Variants in KCNN2 observed in about 807,000 individuals in gnomAD.
The protein encoded by KCNN2 is small conductance calcium-activated potassium channel protein 2.
KCNN2 carries 24 observed loss-of-function variants against 55.5 expected under a neutral mutation model. That is an observed-to-expected ratio of 0.43 (90% CI 0.31 to 0.61). The LOEUF (loss-of-function observed/expected upper bound fraction) is 0.61. Ranked by LOEUF, KCNN2 falls within the 20% of genes least tolerant of loss-of-function variation. KCNN2 has a pLI of 0.08. For synonymous variants in KCNN2, 431 were observed against 336.1 expected, an observed-to-expected ratio of 1.28 and a Z score of -3.09; for missense variants, 754 against 853.6, an observed-to-expected ratio of 0.88 and a Z score of 1.45.
chr5:114,289,439 A>G (rs1755837590), intron 2 of KCNN2, among the ~76,000 whole-genome samples: 1 of 150,876 alleles, frequency 6.6e-6, no homozygotes, highest in African/African-American at 2.4e-5. Flanking sequence ...CAGTGGGGCA[A>G]TCTCTCTGCT....
intron 1 of KCNN2, among the ~76,000 whole-genome samples, chr5:114,160,346 T>A (rs1272681081): frequency 2.0e-5 from 3 of 152,238 alleles, no homozygotes; most frequent in African/African-American, 7.2e-5. Context: ...AGTTCTAGTT[T>A]GATTGCACTG....
chr5:114,346,064 G>A (rs535426653), intron 2 of KCNN2, among the ~76,000 whole-genome samples: 38 of 152,288 alleles, frequency 2.5e-4, no homozygotes, highest in Admixed American at 1.2e-3. Flanking sequence ...TTACAGGCAT[G>A]AGCCACAGTG....
Position 114,363,015 on chromosome 5 carries a change from G to C in KCNN2, c.876G>C (p.Ala292=). The C allele has an allele frequency of 6.2e-7, 1 of 1,600,116 alleles. No homozygotes were observed. Among genetic ancestry groups the C allele is most frequent in the Non-Finnish European group, 8.5e-7 (1 of 1,176,256 alleles). ...AGCACAACAACTCCAACAACCTGGC[G>C]CTCTATGGAACCGGCGGCGGAGGCA... The part of the protein sequence containing the change: ...KPEHNNSNNL[A]LYGTGGGGST... The change falls in exon 1 of 8, where the codon GCG becomes GCC. Residue 292 remains alanine (A), a synonymous_variant. Coordinates refer to ENST00000673685, the MANE Select transcript of KCNN2 (RefSeq NM_021614.4).
At position 114,487,304 on chromosome 5, in the gene KCNN2, A is replaced by T. The variant is rs150859013; in HGVS notation, c.2018+127A>T. 2.7e-4 allele frequency: 211 copies of T among 785,876 alleles called. 2 individuals are homozygous for T. The African/African-American group carries it at 3.1e-3, about 11-fold the overall frequency. 48.7% of individuals were successfully genotyped at this position (785,876 alleles called of 1,614,324 possible). On this transcript the variant is annotated intron_variant, in intron 6 of 7. Transcript: ENST00000673685. ...GTCATGTTTATTCCCAGAAGATGTT[A>T]TCTGGCAATCTAATCATTCCACAAT... is the stretch of plus-strand genomic sequence containing the variant.
Position 114,363,004 on chromosome 5 carries a change from A to C in KCNN2, c.865A>C (p.Asn289His). The change falls in exon 1 of 8, where the codon AAC (asparagine) becomes CAC (histidine). Residue 289 changes from asparagine (N) to histidine (H), a missense_variant. By Grantham distance (68) the Asn-to-His change is moderately conservative. This residue lies in a region of KCNN2 where 381 missense variants were observed against 259.1 expected (regional missense o/e 1.47). Coordinates refer to ENST00000673685, the MANE Select transcript of KCNN2 (RefSeq NM_021614.4). ...VVSKPEHNNS[N>H]NLALYGTGGG... ...GTCTAAGCCCGAGCACAACAACTCCAACAACCTGGCGCTCTATGGAACCGG... is the reference window on the plus strand; with the variant it reads ...GTCTAAGCCCGAGCACAACAACTCCCACAACCTGGCGCTCTATGGAACCGG... 1 of 1,597,154 alleles carries C rather than the reference A, an allele frequency of 6.3e-7. No homozygotes were observed. Among genetic ancestry groups the C allele is most frequent in the Non-Finnish European group, 8.5e-7 (1 of 1,175,658 alleles).
intron 1 of KCNN2, among the ~76,000 whole-genome samples, chr5:114,105,381 C>CA (rs11423860): frequency 0.21 from 32,428 of 151,850 alleles, 3,952 homozygotes; most frequent in African/African-American, 0.34. Context: ...AGAGCAAAAG[C>CA]TACAGCTTCT....
At chr5:114,226,224 C>A (rs1580637229) in intron 2 of KCNN2, among the ~76,000 whole-genome samples, 1 of 151,948 alleles carries the variant, frequency 6.6e-6, no homozygotes, top group African/African-American at 2.4e-5. Context: ...ACATATACTC[C>A]TTTAGAGTGT....
intron 2 of KCNN2, among the ~76,000 whole-genome samples, chr5:114,352,841 G>A (rs991217455): frequency 2.6e-5 from 4 of 151,838 alleles, no homozygotes; most frequent in Non-Finnish European, 4.4e-5. Flanking sequence ...CCTTGTGCAC[G>A]TGAGAAAAAT....
At chr5:114,241,776 A>ATGTGTGTG in intron 2 of KCNN2, among the ~76,000 whole-genome samples, 1 of 11,130 alleles carries the variant, frequency 9.0e-5, no homozygotes, top group Non-Finnish European at 1.7e-4. Flanking sequence ...ATATATATAC[A>ATGTGTGTG]TATATACGTA....
intron 3 of KCNN2, among the ~76,000 whole-genome samples, chr5:114,427,778 C>CCA (rs1053549936): frequency 1.3e-5 from 2 of 152,062 alleles, no homozygotes; most frequent in Non-Finnish European, 2.9e-5. Context: ...ATTAAATGAC[C>CCA]CATAGACCTT....
chr5:114,230,299 A>G (rs1167889539), intron 2 of KCNN2, among the ~76,000 whole-genome samples: 1 of 117,950 alleles, frequency 8.5e-6, no homozygotes, highest in Non-Finnish European at 1.8e-5. Flanking sequence ...TTTTTTTATT[A>G]TACTTTAAGT....
intron 1 of KCNN2, among the ~76,000 whole-genome samples, chr5:114,163,024 G>C (rs1450172755): frequency 1.3e-5 from 2 of 152,094 alleles, no homozygotes. Context: ...CCCACTGTCT[G>C]GCAATCCCCA....
chr5:114,172,857 C>A (rs1415469260), intron 1 of KCNN2, among the ~76,000 whole-genome samples: 1 of 151,604 alleles, frequency 6.6e-6, no homozygotes, highest in South Asian at 2.1e-4. Context: ...GGGCAGTTTG[C>A]AAATATTTTA....
At chr5:114,475,742 G>C (rs1340220177) in intron 5 of KCNN2, among the ~76,000 whole-genome samples, 2 of 152,008 alleles carry the variant, frequency 1.3e-5, no homozygotes, top group Non-Finnish European at 2.9e-5. Context: ...CTAAAGTCCG[G>C]TCAGAGGCCC....
chr5:114,130,591 C>A (rs915563055), intron 1 of KCNN2, among the ~76,000 whole-genome samples: 1 of 152,174 alleles, frequency 6.6e-6, no homozygotes, highest in African/African-American at 2.4e-5. Flanking sequence ...TTTACTGCCA[C>A]CTCTTACTTG....
chr5:114,165,218 C>T (rs1324298935), intron 1 of KCNN2, among the ~76,000 whole-genome samples: 1 of 152,058 alleles, frequency 6.6e-6, no homozygotes, highest in Non-Finnish European at 1.5e-5. Flanking sequence ...CCTCTTGCTT[C>T]CCCTTTCACT....
intron 2 of KCNN2, among the ~76,000 whole-genome samples, chr5:114,402,946 T>G (rs968135205): frequency 6.7e-6 from 1 of 150,370 alleles, no homozygotes; most frequent in Non-Finnish European, 1.5e-5. Flanking sequence ...AGCAGAGGAG[T>G]AGTGAAAAGG....
intron 2 of KCNN2, among the ~76,000 whole-genome samples, chr5:114,320,094 T>C (rs1756585663): frequency 6.6e-6 from 1 of 152,188 alleles, no homozygotes; most frequent in South Asian, 2.1e-4. Context: ...ACAGATCCCC[T>C]TCTTCATATC....
At chr5:114,289,468 G>A (rs1428098257) in intron 2 of KCNN2, among the ~76,000 whole-genome samples, 4 of 149,784 alleles carry the variant, frequency 2.7e-5, no homozygotes, top group Admixed American at 6.8e-5. Context: ...CCTCCACCTC[G>A]CAGATTCAAG....
Sources: gnomAD v4.1 joint callset for allele counts (sites outside exome capture counted in the v4.1 genomes callset) on GRCh38, gnomAD v4.1.1 for gene constraint, gnomAD v4.1.1 regional missense constraint, MANE v1.5 for transcripts, NCBI Gene and HGNC (gene_info 2026-07-23, HGNC 2026-07-21) for gene names.